The following CTNNA3 variants were observed in gnomAD, a reference collection of about 807,000 sequenced individuals.
The protein encoded by CTNNA3 is catenin alpha 3, also known as catenin alpha-3.
Under a neutral mutation model 95.7 loss-of-function variants are expected in CTNNA3, and 76 were observed. The ratio of observed to expected loss-of-function variants is 0.79; its 90% CI spans 0.66 to 0.96. CTNNA3 has a LOEUF of 0.96. Ranked by LOEUF, CTNNA3 falls within the 40% of genes least tolerant of loss-of-function variation. The pLI, the probability that CTNNA3 is intolerant of heterozygous loss-of-function variation, is 0.00. For missense variants in CTNNA3, 1,191 were observed against 1,089.8 expected, an observed-to-expected ratio of 1.09 and a Z score of -1.31; for synonymous variants, 431 against 374.4, an observed-to-expected ratio of 1.15 and a Z score of -1.74.
At chr10:67,221,469 CAG>C (rs1285812083) in intron 5 of CTNNA3, among the ~76,000 whole-genome samples, 1 of 152,318 alleles carries the variant, frequency 6.6e-6, no homozygotes, top group East Asian at 1.9e-4. Context: ...AGCCAAGTGG[CAG>C]AGCTAGATGG....
In CTNNA3 at chr10:67,046,035, A is replaced by G. The variant is rs1252725296; in HGVS notation, c.1047+134282T>C. On this transcript the variant is annotated intron_variant, in intron 7 of 17. Coordinates refer to ENST00000433211, the MANE Select transcript of CTNNA3 (RefSeq NM_013266.4). ...TGTATCATTACATAAAATAAAAGTGAAAAAGAAATACAACAAATTTCAGAC... is the reference window on the plus strand; with the variant it reads ...TGTATCATTACATAAAATAAAAGTGGAAAAGAAATACAACAAATTTCAGAC... 2.0e-5 allele frequency among the ~76,000 whole-genome samples: 3 copies of G among 152,328 alleles called. No homozygotes were observed. In the East Asian group the frequency reaches 5.8e-4, roughly 29 times the overall value.
At chr10:66,297,996 T>C (rs2091806167) in intron 12 of CTNNA3, among the ~76,000 whole-genome samples, 1 of 152,226 alleles carries the variant, frequency 6.6e-6, no homozygotes, top group Non-Finnish European at 1.5e-5. Context: ...GAATTTTCCC[T>C]ATAACTAGAC....
At chr10:66,289,205 A>G (rs1010436236) in intron 12 of CTNNA3, among the ~76,000 whole-genome samples, 2 of 151,582 alleles carry the variant, frequency 1.3e-5, no homozygotes, top group Admixed American at 6.6e-5. Context: ...ATTCAATCTC[A>G]TTGATAGTTG....
chr10:66,653,356 T>G (rs1349910905), intron 9 of CTNNA3, among the ~76,000 whole-genome samples: 1 of 150,752 alleles, frequency 6.6e-6, no homozygotes, highest in Non-Finnish European at 1.5e-5. Context: ...ACTATCCCAT[T>G]TATAATAGCT....
At chr10:66,313,152 G>A (rs1335176271) in intron 12 of CTNNA3, among the ~76,000 whole-genome samples, 6 of 152,054 alleles carry the variant, frequency 3.9e-5, no homozygotes, top group East Asian at 1.9e-4. Flanking sequence ...GGACATTCCC[G>A]TAAAACTCTG....
At chr10:67,215,543 G>A (rs1475021189) in intron 6 of CTNNA3, among the ~76,000 whole-genome samples, 1 of 152,068 alleles carries the variant, frequency 6.6e-6, no homozygotes, top group East Asian at 1.9e-4. Flanking sequence ...CTAGATTTTT[G>A]GATGGGGTTT....
intron 17 of CTNNA3, among the ~76,000 whole-genome samples, chr10:65,962,499 T>G (rs2133244384): frequency 6.6e-6 from 1 of 152,244 alleles, no homozygotes; most frequent in South Asian, 2.1e-4. Context: ...ATAGATACAC[T>G]CCTTTCCATT....
At chr10:66,063,319 TA>T (rs34175611) in intron 15 of CTNNA3, among the ~76,000 whole-genome samples, 11,830 of 134,604 alleles carry the variant, frequency 0.088, 605 homozygotes, top group Non-Finnish European at 0.14. Context: ...TATATATATA[TA>T]ATATATATAT....
intron 12 of CTNNA3, among the ~76,000 whole-genome samples, chr10:66,320,853 G>GAAA (rs1179087216): frequency 2.0e-5 from 3 of 152,072 alleles, no homozygotes; most frequent in African/African-American, 7.2e-5. Flanking sequence ...TTTTCATTTA[G>GAAA]ACTTTTGTTA....
intron 7 of CTNNA3, among the ~76,000 whole-genome samples, chr10:67,132,165 G>C (rs1860043991): frequency 6.6e-6 from 1 of 152,110 alleles, no homozygotes; most frequent in African/African-American, 2.4e-5. Context: ...AGAAAAGACA[G>C]AAATCTAATA....
chr10:66,937,868 A>T (rs970072259), intron 7 of CTNNA3, among the ~76,000 whole-genome samples: 3 of 152,056 alleles, frequency 2.0e-5, no homozygotes, highest in Admixed American at 1.3e-4. Flanking sequence ...TGTCTTATTA[A>T]TCTTTTCCTT....
chr10:67,271,622 G>T (rs55889563), intron 5 of CTNNA3, among the ~76,000 whole-genome samples: 2,123 of 152,180 alleles, frequency 0.014, 53 homozygotes, highest in African/African-American at 0.048. Flanking sequence ...CCCAAACAAG[G>T]CCTCCTCTCT....
chr10:67,704,469 G>A (rs756462840), intron 1 of CTNNA3, among the ~76,000 whole-genome samples: 5,053 of 152,140 alleles, frequency 0.033, 90 homozygotes, highest in Middle Eastern at 0.082. Flanking sequence ...CAGAAATAAC[G>A]CCACATATCT....
intron 7 of CTNNA3, among the ~76,000 whole-genome samples, chr10:66,885,797 T>C (rs1055999103): frequency 2.6e-5 from 4 of 152,148 alleles, no homozygotes; most frequent in Non-Finnish European, 5.9e-5. Flanking sequence ...GAAAATAATT[T>C]GAGAAAATTC....
At chr10:67,593,252 C>T (rs1842838781) in intron 3 of CTNNA3, among the ~76,000 whole-genome samples, 2 of 152,118 alleles carry the variant, frequency 1.3e-5, no homozygotes, top group South Asian at 4.1e-4. Context: ...CATGTCATTG[C>T]TATTGTAAAT....
chr10:67,558,206 A>G (rs1189002247), intron 3 of CTNNA3, among the ~76,000 whole-genome samples: 3 of 152,152 alleles, frequency 2.0e-5, no homozygotes, highest in Non-Finnish European at 2.9e-5. Flanking sequence ...TTGGAAATGT[A>G]TTTTTTATCT....
chr10:66,212,932 G>A (rs1001226933), intron 13 of CTNNA3, among the ~76,000 whole-genome samples: 6 of 152,312 alleles, frequency 3.9e-5, no homozygotes, highest in African/African-American at 1.4e-4. Context: ...GAACCTGGGA[G>A]GCAGAGGTTG....
intron 5 of CTNNA3, among the ~76,000 whole-genome samples, chr10:67,415,747 TACTAC>T (rs1300845354): frequency 6.6e-6 from 1 of 152,120 alleles, no homozygotes; most frequent in African/African-American, 2.4e-5. Context: ...CATGAAACTG[TACTAC>T]AAGGATATGG....
chr10:66,701,737 G>C (rs1847949352), intron 9 of CTNNA3, among the ~76,000 whole-genome samples: 1 of 152,084 alleles, frequency 6.6e-6, no homozygotes, highest in Non-Finnish European at 1.5e-5. Context: ...CTAGTAAGTA[G>C]TAGAGGTTGA....
Sources: allele counts gnomAD v4.1 joint callset (sites outside exome capture counted in the v4.1 genomes callset), GRCh38; gene constraint gnomAD v4.1.1; transcripts MANE v1.5; gene names NCBI Gene and HGNC (gene_info 2026-07-23, HGNC 2026-07-21).